CORO1C: variants seen among roughly 807,000 people sequenced by gnomAD.
The protein encoded by CORO1C is coronin-1C.
CORO1C carries 14 observed loss-of-function variants against 51.2 expected under a neutral mutation model. That is an observed-to-expected ratio of 0.27 (90% CI 0.18 to 0.43). The LOEUF (loss-of-function observed/expected upper bound fraction) is 0.43, where lower values mean the gene tolerates loss of function less well. Ranked by LOEUF, CORO1C falls within the 20% of genes least tolerant of loss-of-function variation. The probability of loss-of-function intolerance (pLI) is 1.00; values close to 1 mark genes in which losing one functional copy is unlikely to be tolerated. For synonymous variants in CORO1C, 181 were observed against 210.5 expected, an observed-to-expected ratio of 0.86 and a Z score of 1.21; for missense variants, 417 against 607.8, an observed-to-expected ratio of 0.69 and a Z score of 3.30.
intron 2 of CORO1C, among the ~76,000 whole-genome samples, chr12:108,679,734 A>G (rs767121876): frequency 2.0e-5 from 3 of 152,248 alleles, no homozygotes; most frequent in Non-Finnish European, 4.4e-5. Flanking sequence ...TAACGTGTAA[A>G]GACCACAGGC....
intron 1 of CORO1C, among the ~76,000 whole-genome samples, chr12:108,719,663 C>G (rs2035427995): frequency 6.6e-6 from 1 of 152,218 alleles, no homozygotes; most frequent in Non-Finnish European, 1.5e-5. Context: ...GACAAACCTC[C>G]ACCTTCACCT....
chr12:108,659,147 T>C (rs1298504966), intron 4 of CORO1C, among the ~76,000 whole-genome samples: 1 of 152,064 alleles, frequency 6.6e-6, no homozygotes, highest in Non-Finnish European at 1.5e-5. Flanking sequence ...ATAAAAGAAA[T>C]AAAAGTGTTA....
At chr12:108,661,880 G>C in intron 4 of CORO1C, 149 bp downstream of exon 4, 1 of 770,482 alleles carries the variant, frequency 1.3e-6, no homozygotes, top group Admixed American at 2.5e-5. Context: ...TGGGCTGGGG[G>C]AGCAGTGCAC....
chr12:108,701,963 C>G (rs2034884462), intron 1 of CORO1C: 1 of 155,380 alleles, frequency 6.4e-6, no homozygotes, highest in Non-Finnish European at 1.4e-5. Flanking sequence ...CAGAGCAACT[C>G]ACTACCAAAC....
intron 10 of CORO1C, 66 bp downstream of exon 10, chr12:108,648,539 C>T: frequency 6.2e-7 from 1 of 1,602,486 alleles, no homozygotes; most frequent in Non-Finnish European, 8.5e-7. Context: ...CGCCCTGGAC[C>T]ACAAGGGCTT....
rs115017989 is a variant in CORO1C at position 108,697,996 on chromosome 12, T to A, written c.195+3128A>T. ...GGTTTTCTGATAACATGGAAGATCA[T>A]TCTATTTTCTACCAGCTACTGATGC... On this transcript the variant is annotated intron_variant, in intron 2 of 10. Coordinates refer to ENST00000261401, the MANE Select transcript of CORO1C (RefSeq NM_014325.4). 9.0e-3 allele frequency among the ~76,000 whole-genome samples: 1,377 copies of A among 152,288 alleles called. 33 individuals carry two copies. Among genetic ancestry groups the A allele is most frequent in the African/African-American group, 0.031 (1,302 of 41,546 alleles).
chr12:108,685,877 A>C (rs2034277704), intron 2 of CORO1C, among the ~76,000 whole-genome samples: 1 of 152,154 alleles, frequency 6.6e-6, no homozygotes, highest in African/African-American at 2.4e-5. Flanking sequence ...ATTATTTGGC[A>C]TGCTGGATGT....
rs118110680 is a variant in CORO1C, at chr12:108,689,624, C to T, written c.196-11230G>A. 1.2e-3 allele frequency among the ~76,000 whole-genome samples: 186 copies of T among 152,250 alleles called. 6 individuals carry two copies. The East Asian group carries it at 0.034, about 28-fold the overall frequency. On this transcript the variant is annotated intron_variant, in intron 2 of 10. Transcript: ENST00000261401. Reference sequence around the variant, plus strand: ...TATTATCCAGACTGGTTACACCACCCGAAGATGTAAGGGCCTAAGAGCCCC... The same window carrying T: ...TATTATCCAGACTGGTTACACCACCTGAAGATGTAAGGGCCTAAGAGCCCC...
chr12:108,701,160 A>C lies in CORO1C; in HGVS notation c.159T>G (p.Ser53Arg), dbSNP rs1295016751. ...PRFVAIIIEA[S>R]GGGAFLVLPL... ...GGAGGACAAGGAACGCTCCTCCCCC[A>C]CTTGCCTCTATGATTATGGCAACAA... The change falls in exon 2 of 11, where the codon AGT becomes AGG. Residue 53 changes from serine to arginine, a missense_variant. Ser to Arg is a moderately radical substitution (Grantham distance 110). Transcript: ENST00000261401. 3 of 1,614,166 alleles carry C rather than the reference A, an allele frequency of 1.9e-6. No homozygotes were observed. In the East Asian group the frequency reaches 6.7e-5, roughly 36 times the overall value.
chr12:108,694,959 C>G (rs141864153), intron 2 of CORO1C, among the ~76,000 whole-genome samples: 2 of 152,276 alleles, frequency 1.3e-5, no homozygotes, highest in Non-Finnish European at 2.9e-5. Context: ...AACAAGTTAT[C>G]CTAAAATTCA....
chr12:108,704,032 AAG>A (rs1240460560), intron 1 of CORO1C, among the ~76,000 whole-genome samples: 5 of 152,218 alleles, frequency 3.3e-5, no homozygotes, highest in African/African-American at 9.6e-5. Flanking sequence ...TCACTTGAAA[AAG>A]AGAGACGATT....
At chr12:108,671,229 G>A (rs113599223) in intron 3 of CORO1C, among the ~76,000 whole-genome samples, 6 of 152,028 alleles carry the variant, frequency 3.9e-5, no homozygotes, top group South Asian at 2.1e-4. Flanking sequence ...GCAGCTACTC[G>A]GAAGGTTGAG....
rs937489433 is a variant in CORO1C, at chr12:108,658,675, AG to A, written c.630+62del. On this transcript the variant is annotated intron_variant, in intron 5 of 10. Coordinates refer to ENST00000261401, the MANE Select transcript of CORO1C (RefSeq NM_014325.4). This position sits in a 1 kb window ranked among gnomAD's most constrained non-coding sequence, Gnocchi z 4.9. ...ACCAGTACCGCTGCCTGCCTTAAAAAGCAGAAAGCTCACACTCACTCAAGTG... is the reference window on the plus strand; with the variant it reads ...ACCAGTACCGCTGCCTGCCTTAAAAACAGAAAGCTCACACTCACTCAAGTG... 3 of 1,548,922 alleles carry A rather than the reference AG, an allele frequency of 1.9e-6. No individual in the cohort carries two copies. In the African/African-American group the frequency reaches 4.1e-5, roughly 21 times the overall value.
chr12:108,648,640 T>C lies in CORO1C; in HGVS notation c.1270A>G (p.Ser424Gly), dbSNP rs991919716. 2.4e-5 allele frequency: 38 copies of C among 1,614,208 alleles called. No homozygotes were observed. The highest frequency in any genetic ancestry group is 1.6e-4 in the Middle Eastern group (1 of 6,062). Reference sequence around the variant, plus strand: ...GTGTCTGTGGTTTTCTTGGGGATGCTGATCAGGTCGCACTTCTTGTTTGCA... The same window carrying C: ...GTGTCTGTGGTTTTCTTGGGGATGCCGATCAGGTCGCACTTCTTGTTTGCA... ...PTANKKCDLI[S>G]IPKKTTDTAS... The change falls in exon 10 of 11, where the codon AGC (serine) becomes GGC (glycine). Residue 424 changes from serine to glycine, a missense_variant. Ser to Gly is a moderately conservative substitution (Grantham distance 56). Coordinates refer to ENST00000261401, the MANE Select transcript of CORO1C (RefSeq NM_014325.4).
intron 2 of CORO1C, among the ~76,000 whole-genome samples, chr12:108,678,782 T>C (rs1295394527): frequency 7.7e-6 from 1 of 129,796 alleles, no homozygotes; most frequent in East Asian, 2.4e-4. Context: ...AATAAGACAA[T>C]ATCCTCCAAT....
At chr12:108,711,402 G>A (rs1012581560) in intron 1 of CORO1C, among the ~76,000 whole-genome samples, 14 of 151,642 alleles carry the variant, frequency 9.2e-5, no homozygotes, top group African/African-American at 2.7e-4. Context: ...GAAAAGGGCC[G>A]GGCATGGTGG....
intron 2 of CORO1C, among the ~76,000 whole-genome samples, chr12:108,700,203 A>T (rs1178931231): frequency 6.6e-6 from 1 of 152,140 alleles, no homozygotes; most frequent in African/African-American, 2.4e-5. Flanking sequence ...CAGCTGTCAT[A>T]CGACCCAACA....
Position 108,650,180 on chromosome 12 carries a change from C to CTTTT in CORO1C, c.1002-1164_1002-1161dup, listed in dbSNP as rs1057367204. ...AAAGAGTCCCAGATAAACCAAAAACCTTTTTTTTTTTTTTTTTTTTTTTTT... is the reference window on the plus strand; with the variant it reads ...AAAGAGTCCCAGATAAACCAAAAACCTTTTTTTTTTTTTTTTTTTTTTTTTTTTT... On this transcript the variant is annotated intron_variant, in intron 8 of 10. Coordinates refer to ENST00000261401, the MANE Select transcript of CORO1C (RefSeq NM_014325.4). 6.8e-4 allele frequency among the ~76,000 whole-genome samples: 55 copies of CTTTT among 80,442 alleles called. 1 individual carries two copies. Among genetic ancestry groups the CTTTT allele is most frequent in the East Asian group, 1.2e-3 (3 of 2,416 alleles). The allele number at this position is 80,442 out of a possible 152,430, so 52.8% of individuals were successfully genotyped here. A position where few individuals can be genotyped will look rare whatever the true frequency, so the allele number is the denominator to read the frequency against.
At chr12:108,691,748 G>C (rs1178000413) in intron 2 of CORO1C, among the ~76,000 whole-genome samples, 22 of 152,182 alleles carry the variant, frequency 1.4e-4, no homozygotes, top group Admixed American at 1.4e-3. Context: ...TCAGGCCTGC[G>C]GGCCGGCTGC....
Sources: gnomAD v4.1 joint callset for allele counts (sites outside exome capture counted in the v4.1 genomes callset) on GRCh38, gnomAD v4.1.1 for gene constraint, Gnocchi (gnomAD v3.1) non-coding constraint, MANE v1.5 for transcripts, NCBI Gene and HGNC (gene_info 2026-07-23, HGNC 2026-07-21) for gene names.